The following MBTD1 variants were observed in gnomAD, a reference collection of about 807,000 sequenced individuals.
MBTD1 encodes MBT domain-containing protein 1.
MBTD1 carries 24 observed loss-of-function variants against 87.8 expected under a neutral mutation model. The ratio of observed to expected loss-of-function variants is 0.27; its 90% CI spans 0.20 to 0.38. The LOEUF is 0.38. MBTD1 is among the 10% of genes least tolerant of loss of function. The pLI is 1.00. For synonymous variants in MBTD1, 237 were observed against 248.6 expected (o/e 0.95, Z 0.44); for missense variants, 436 against 760.2 (o/e 0.57, Z 5.02).
At chr17:51,260,064 T>C, upstream of MBTD1, 1 of 392,302 alleles carries the variant, frequency 2.5e-6, no homozygotes, top group Non-Finnish European at 4.5e-6. Context: ...TAGCCCTCCC[T>C]CCCCAGCGCG....
chr17:51,226,427 T>C (rs946632373), intron 2 of MBTD1, among the ~76,000 whole-genome samples: 1 of 151,152 alleles, frequency 6.6e-6, no homozygotes, highest in Non-Finnish European at 1.5e-5. Context: ...CACTAGAGCC[T>C]GGGAGGTGGA....
At chr17:51,238,950 A>G (rs1568224931) in intron 2 of MBTD1, among the ~76,000 whole-genome samples, 1 of 152,078 alleles carries the variant, frequency 6.6e-6, no homozygotes, top group Non-Finnish European at 1.5e-5. Flanking sequence ...AAATACAAAA[A>G]TTAACTGGGT....
At chr17:51,188,432 C>G (rs775738421) in intron 16 of MBTD1, among the ~76,000 whole-genome samples, 1 of 152,174 alleles carries the variant, frequency 6.6e-6, no homozygotes, top group African/African-American at 2.4e-5. Flanking sequence ...GAATATACCA[C>G]TAACAGATGA....
Position 51,179,502 on chromosome 17 carries a change from A to ATATATATATTTATATT in MBTD1, c.*1073_*1074insAATATAAATATATATA, listed in dbSNP as rs1568135840. On this transcript the variant is annotated 3_prime_UTR_variant, in exon 17 of 17. Coordinates refer to ENST00000586178, the MANE Select transcript of MBTD1 (RefSeq NM_017643.3). ...GACAATTTTATATATATATATATAT[A>ATATATATATTTATATT]TATATATATATATATATATATATAT... is the stretch of plus-strand genomic sequence containing the variant. The ATATATATATTTATATT allele has an allele frequency of 4.4e-5, 3 of 68,094 alleles. No individual in the cohort carries two copies. The highest frequency in any genetic ancestry group is 1.7e-4 in the African/African-American group (3 of 18,126). 4.2% of individuals were successfully genotyped at this position (68,094 alleles called of 1,614,324 possible). A position where few individuals can be genotyped will look rare whatever the true frequency, so the allele number is the denominator to read the frequency against.
chr17:51,201,583 T>G lies in MBTD1; in HGVS notation c.1224+9A>C, dbSNP rs1246435958. 1.3e-6 allele frequency: 2 copies of G among 1,540,450 alleles called. No individual in the cohort carries two copies. Among genetic ancestry groups the G allele is most frequent in the East Asian group, 4.5e-5 (2 of 44,378 alleles). On this transcript the variant is annotated intron_variant, in intron 12 of 16. Transcript: ENST00000586178. ...TTGCATTTCTATATTTTAAAACCTA[T>G]TATCTTACCTTTCTAATGGTTGCGA... is the stretch of plus-strand genomic sequence containing the variant.
At chr17:51,245,293 C>T (rs1223520090) in intron 2 of MBTD1, among the ~76,000 whole-genome samples, 1 of 152,018 alleles carries the variant, frequency 6.6e-6, no homozygotes, top group East Asian at 1.9e-4. Flanking sequence ...CTTCAAAGTT[C>T]TTGGCATTGA....
chr17:51,222,189 A>G (rs927215730), intron 3 of MBTD1, among the ~76,000 whole-genome samples: 2 of 152,240 alleles, frequency 1.3e-5, no homozygotes, highest in African/African-American at 4.8e-5. Flanking sequence ...TTCATCTGCT[A>G]TCTCCAGTAT....
intron 12 of MBTD1, 116 bp from the exon 13 acceptor site, chr17:51,195,477 A>C: frequency 1.4e-6 from 1 of 711,534 alleles, no homozygotes; most frequent in Non-Finnish European, 2.2e-6. Context: ...TTCAAAGTGA[A>C]ACATGCTTCT....
intron 5 of MBTD1, 46 bp downstream of exon 5, chr17:51,218,884 G>T (rs1327499535): frequency 8.2e-6 from 9 of 1,092,186 alleles, no homozygotes; most frequent in Non-Finnish European, 1.2e-5. Flanking sequence ...AAAACTAAAT[G>T]AATCAATGTC....
chr17:51,189,603 T>C (rs781296067), intron 16 of MBTD1, among the ~76,000 whole-genome samples: 1 of 152,214 alleles, frequency 6.6e-6, no homozygotes, highest in African/African-American at 2.4e-5. Flanking sequence ...GGCAAATGAA[T>C]TGTCTACATA....
intron 2 of MBTD1, among the ~76,000 whole-genome samples, chr17:51,243,523 GCA>G (rs906104360): frequency 8.5e-5 from 13 of 152,088 alleles, no homozygotes; most frequent in African/African-American, 2.7e-4. Flanking sequence ...TATAACTGGA[GCA>G]CAGTTATCAG....
chr17:51,197,295 T>G (rs2051189724), intron 12 of MBTD1, among the ~76,000 whole-genome samples: 1 of 151,126 alleles, frequency 6.6e-6, no homozygotes, highest in East Asian at 2.0e-4. Flanking sequence ...AGAGATGGGG[T>G]TTCGCCATGT....
In MBTD1 at chr17:51,192,906, C is replaced by T. The variant is rs534226180; in HGVS notation, c.1566G>A (p.Leu522=). 4.3e-6 allele frequency: 7 copies of T among 1,614,144 alleles called. No homozygotes were observed. The East Asian group carries it at 6.7e-5, about 15-fold the overall frequency. The change falls in exon 15 of 17, where the codon TTG becomes TTA. Residue 522 remains leucine (L), a synonymous_variant. Transcript: ENST00000586178. The part of the protein sequence containing the change: ...ATVTRIIHRL[L]RIHFDGWEEE... ...CTTCCCATCCATCAAAATGTATCCTCAAGAGACGATGAATAATTCGAGTTA... is the reference window on the plus strand; with the variant it reads ...CTTCCCATCCATCAAAATGTATCCTTAAGAGACGATGAATAATTCGAGTTA...
intron 7 of MBTD1, among the ~76,000 whole-genome samples, chr17:51,205,822 T>C (rs767590258): frequency 1.3e-5 from 2 of 152,178 alleles, no homozygotes; most frequent in Non-Finnish European, 2.9e-5. Context: ...ATTAAAATAA[T>C]TTTTAGGTAA....
intron 2 of MBTD1, among the ~76,000 whole-genome samples, chr17:51,248,624 AT>A (rs1197799191): frequency 6.6e-6 from 1 of 152,168 alleles, no homozygotes; most frequent in Non-Finnish European, 1.5e-5. Context: ...ATAAAATCGT[AT>A]GCATATTTTT....
At chr17:51,204,451 A>G (rs2051689182) in intron 7 of MBTD1, among the ~76,000 whole-genome samples, 1 of 144,328 alleles carries the variant, frequency 6.9e-6, no homozygotes, top group South Asian at 2.2e-4. Flanking sequence ...ATAAGCATAT[A>G]AACATATAAA....
Position 51,218,976 on chromosome 17 carries a change from A to G in MBTD1, c.357T>C (p.Tyr119=), listed in dbSNP as rs895904971. 3.9e-6 allele frequency: 6 copies of G among 1,551,460 alleles called. No homozygotes were observed. The African/African-American group carries it at 6.8e-5, about 18-fold the overall frequency. ...KQPLVAKLAA[Y]AQYQATLQNQ... ...TTTGCAAGGTAGCTTGATACTGAGC[A>G]TATGCGGCTAGCTTAGCAACTAAAG... Residue 119 remains tyrosine (Y), a synonymous_variant, in exon 5 of 17, where the codon TAT becomes TAC. Transcript: ENST00000586178.
chr17:51,201,410 A>G (rs1051979156), intron 12 of MBTD1, among the ~76,000 whole-genome samples, 182 bp downstream of exon 12: 8 of 152,224 alleles, frequency 5.3e-5, no homozygotes, highest in Non-Finnish European at 1.2e-4. Flanking sequence ...GACAATCTTG[A>G]CAATAAACTA....
rs1432293295 is a variant in MBTD1 at position 51,180,428 on chromosome 17, GC to G, written c.*147del. 6.7e-5 allele frequency: 2 copies of G among 29,850 alleles called. No homozygotes were observed. The highest frequency in any genetic ancestry group is 3.0e-4 in the African/African-American group (2 of 6,720). 1.8% of individuals were successfully genotyped at this position (29,850 alleles called of 1,614,324 possible). On this transcript the variant is annotated 3_prime_UTR_variant, in exon 17 of 17. Coordinates refer to ENST00000586178, the MANE Select transcript of MBTD1 (RefSeq NM_017643.3). ...CCCCCCTGCCCCCCCGACTAAAATA[GC>G]TCCCCCACCCACCTGAAAAATCTGG...
Sources: gnomAD v4.1 joint callset for allele counts (sites outside exome capture counted in the v4.1 genomes callset) on GRCh38, gnomAD v4.1.1 for gene constraint, MANE v1.5 for transcripts, NCBI Gene and HGNC (gene_info 2026-07-23, HGNC 2026-07-21) for gene names.